The following MTERF4 variants were observed in gnomAD, a reference collection of about 807,000 sequenced individuals.
MTERF4 encodes transcription termination factor 4, mitochondrial.
MTERF4 carries 17 observed loss-of-function variants against 22.5 expected under a neutral mutation model. The observed-to-expected ratio is 0.75, with a 90% confidence interval of 0.52 to 1.13. MTERF4 has a LOEUF of 1.13. Ranked by LOEUF, MTERF4 falls within the 50% of genes most tolerant of loss-of-function variation. The pLI, the probability that MTERF4 is intolerant of heterozygous loss-of-function variation, is 0.00. For missense variants in MTERF4, 420 were observed against 466.8 expected (o/e 0.90, Z 0.92); for synonymous variants, 165 against 175.3 (o/e 0.94, Z 0.47).
chr2:241,056,586 T>TTTTTTTTTG, the MTERF4 span, among the ~76,000 whole-genome samples: 1 of 139,088 alleles, frequency 7.2e-6, no homozygotes, highest in Admixed American at 7.1e-5. Flanking sequence ...TGAAATTTTT[T>TTTTTTTTTG]TTTTTTTTTT....
At chr2:241,089,097 AAAC>A (rs1445416752), downstream of MTERF4, 4 of 497,234 alleles carry the variant, frequency 8.0e-6, no homozygotes, top group East Asian at 7.3e-5. Flanking sequence ...GCCGAATCTT[AAAC>A]AACACTGGCA....
the MTERF4 span, chr2:241,063,012 A>ATC: frequency 1.5e-6 from 1 of 676,164 alleles, no homozygotes; most frequent in Non-Finnish European, 2.5e-6. Context: ...CAGGGTGGCC[A>ATC]CTGCATGCTT....
At chr2:241,065,185 C>T in the MTERF4 span, 7 of 1,096,860 alleles carry the variant, frequency 6.4e-6, no homozygotes, top group African/African-American at 3.1e-5. Context: ...ACTCTGCCAG[C>T]GATGGCTGTG....
chr2:241,068,612 G>A (rs2125223313), downstream of MTERF4, among the ~76,000 whole-genome samples: 1 of 152,146 alleles, frequency 6.6e-6, no homozygotes, highest in East Asian at 1.9e-4. This position sits in a 1 kb window ranked among gnomAD's most constrained non-coding sequence, Gnocchi z 5.3. Flanking sequence ...TCCCTGCACA[G>A]TGACCACTTC....
At position 241,099,747 on chromosome 2, in the gene MTERF4, A is replaced by T; in HGVS notation, c.169T>A (p.Cys57Ser). Residue 57 changes from cysteine (C) to serine (S), a missense_variant, in exon 2 of 4, where the codon TGT becomes AGT. Coordinates refer to ENST00000391980, the MANE Select transcript of MTERF4 (RefSeq NM_182501.4). Reference sequence around the variant, plus strand: ...TGCACATAGTTATTGGATCTAACACAAGATAACTCCTCAATGACCCCTCCA... The same window carrying T: ...TGCACATAGTTATTGGATCTAACACTAGATAACTCCTCAATGACCCCTCCA... ...SNGGVIEELSCVRSNNYVQEP... is the reference protein window; with the variant it reads ...SNGGVIEELSSVRSNNYVQEP... 1.2e-6 allele frequency: 2 copies of T among 1,614,102 alleles called. No individual in the cohort carries two copies. The highest frequency in any genetic ancestry group is 1.7e-6 in the Non-Finnish European group (2 of 1,180,030).
chr2:241,065,692 C>A, the MTERF4 span: 2 of 1,039,440 alleles, frequency 1.9e-6, no homozygotes, highest in African/African-American at 1.6e-5. Context: ...TGCCGTCCAC[C>A]CTCCTAGTTC....
the MTERF4 span, chr2:241,063,230 T>C: frequency 6.3e-6 from 3 of 479,786 alleles, no homozygotes; most frequent in Admixed American, 3.4e-5. Context: ...GCCTGCCCCA[T>C]GAGCCCTGCA....
chr2:241,051,896 G>C, the MTERF4 span: 1 of 1,509,592 alleles, frequency 6.6e-7, no homozygotes, highest in Non-Finnish European at 8.9e-7. This position sits in a 1 kb window ranked among gnomAD's most constrained non-coding sequence, Gnocchi z 4.7. Context: ...GGGCAGGAAC[G>C]ACGGGCCAGC....
chr2:241,089,380 G>A (rs113863829), downstream of MTERF4: 43 of 1,550,560 alleles, frequency 2.8e-5, 1 homozygote, highest in African/African-American at 3.1e-4. Context: ...AAAAATAAAG[G>A]AGAAATGTCA....
chr2:241,074,687 T>C (rs940727450), exon 5 of MTERF4: 1 of 152,186 alleles, frequency 6.6e-6, no homozygotes, highest in Admixed American at 6.5e-5. Context: ...ACATGAAAAG[T>C]AGACTCTTTA....
At position 241,099,736 on chromosome 2, in the gene MTERF4, G is replaced by C; in HGVS notation, c.180C>G (p.Ser60=). 6.2e-7 allele frequency: 1 copy of C among 1,614,130 alleles called. No homozygotes were observed. Among genetic ancestry groups the C allele is most frequent in the Non-Finnish European group, 8.5e-7 (1 of 1,180,016 alleles). The change falls in exon 2 of 4, where the codon TCC becomes TCG. Residue 60 remains serine, a synonymous_variant. Transcript: ENST00000391980. ...GVIEELSCVR[S]NNYVQEPECR... ...ACTCTGGTTCCTGCACATAGTTATT[G>C]GATCTAACACAAGATAACTCCTCAA...
At chr2:241,068,586 G>A (rs1039003206), downstream of MTERF4, among the ~76,000 whole-genome samples, 6 of 152,078 alleles carry the variant, frequency 3.9e-5, no homozygotes, top group African/African-American at 1.4e-4. The surrounding 1 kb of genome is among the most constrained non-coding windows in gnomAD (Gnocchi z 5.3). Context: ...CACCTGTGCT[G>A]AGGGCCCGTC....
downstream of MTERF4, chr2:241,088,587 G>C: frequency 1.7e-6 from 1 of 600,080 alleles, no homozygotes; most frequent in Non-Finnish European, 3.0e-6. Flanking sequence ...AGGGGAAACA[G>C]ACATGAACCT....
chr2:241,090,868 CAAAAAAA>C (rs371271027), downstream of MTERF4, among the ~76,000 whole-genome samples: 8 of 100,798 alleles, frequency 7.9e-5, no homozygotes, highest in Non-Finnish European at 6.2e-5. Context: ...CCCTCTGTCT[CAAAAAAA>C]AAAAAAAAAG....
chr2:241,064,406 C>A, the MTERF4 span, among the ~76,000 whole-genome samples: 1 of 152,198 alleles, frequency 6.6e-6, no homozygotes, highest in Non-Finnish European at 1.5e-5. The surrounding 1 kb of genome is among the most constrained non-coding windows in gnomAD (Gnocchi z 7.0). Flanking sequence ...CTCACGTCCA[C>A]ACATAGGCCC....
chr2:241,082,355 G>A (rs1255672370), downstream of MTERF4: 1 of 1,613,050 alleles, frequency 6.2e-7, no homozygotes, highest in East Asian at 2.2e-5. Flanking sequence ...GGAGGCGTCT[G>A]TCACCACGTG....
At chr2:241,077,790 C>T (rs2063099637) in intron 4 of MTERF4, among the ~76,000 whole-genome samples, 1 of 152,124 alleles carries the variant, frequency 6.6e-6, no homozygotes, top group Admixed American at 6.6e-5. Context: ...ACATCAAAAC[C>T]ACTAGGATGG....
At chr2:241,082,351 G>T, downstream of MTERF4, 1 of 1,613,052 alleles carries the variant, frequency 6.2e-7, no homozygotes. Flanking sequence ...GGAGGGAGGC[G>T]TCTGTCACCA....
downstream of MTERF4, among the ~76,000 whole-genome samples, chr2:241,090,882 AAAG>A (rs2063924055): frequency 6.6e-6 from 1 of 151,986 alleles, no homozygotes; most frequent in African/African-American, 2.4e-5. Flanking sequence ...AAAAAAAAAA[AAAG>A]AAAAAAGAAT....
Sources: gnomAD v4.1 joint callset for allele counts (sites outside exome capture counted in the v4.1 genomes callset) on GRCh38, gnomAD v4.1.1 for gene constraint, Gnocchi (gnomAD v3.1) non-coding constraint, MANE v1.5 for transcripts, NCBI Gene and HGNC (gene_info 2026-07-23, HGNC 2026-07-21) for gene names.